The following FAM228A variants were observed in gnomAD, a reference collection of about 807,000 sequenced individuals.
The protein encoded by FAM228A is family with sequence similarity 228 member A, also known as protein FAM228A.
FAM228A carries 13 observed loss-of-function variants against 18.6 expected under a neutral mutation model. The ratio of observed to expected loss-of-function variants is 0.70; its 90% CI spans 0.45 to 1.11. FAM228A has a LOEUF of 1.11. Among genes scored for constraint, FAM228A ranks in the 50% least tolerant of loss-of-function variants. The pLI, the probability that FAM228A is intolerant of heterozygous loss-of-function variation, is 0.00. For missense variants in FAM228A, 240 were observed against 242.2 expected (o/e 0.99, Z 0.06); for synonymous variants, 77 against 86.6 (o/e 0.89, Z 0.61).
intron 5 of FAM228A, 148 bp from the exon 6 acceptor site, chr2:24,190,264 G>C (rs1347149895): frequency 1.0e-6 from 1 of 998,180 alleles, no homozygotes; most frequent in African/African-American, 1.6e-5. Flanking sequence ...AGGGCAGGCA[G>C]ATTGAGGGAC....
At chr2:24,183,414 A>G (rs1385272562) in intron 4 of FAM228A, 42 bp downstream of exon 4, 1 of 1,608,698 alleles carries the variant, frequency 6.2e-7, no homozygotes, top group East Asian at 2.2e-5. Context: ...GAGACTGCTA[A>G]TTGTCCAGTG....
At chr2:24,175,195 C>T (rs927979110) in intron 1 of FAM228A, 21 bp downstream of exon 1, 4 of 374,764 alleles carry the variant, frequency 1.1e-5, no homozygotes, top group East Asian at 6.4e-5. Flanking sequence ...GGGAGGCCTA[C>T]GGGCCTGGGG....
At chr2:24,184,777 G>C (rs936637877) in intron 5 of FAM228A, among the ~76,000 whole-genome samples, 4 of 150,380 alleles carry the variant, frequency 2.7e-5, no homozygotes, top group African/African-American at 9.8e-5. Flanking sequence ...TTTATAACTA[G>C]TGCTTTTTAT....
chr2:24,177,735 C>T (rs1667725327), intron 2 of FAM228A, 67 bp from the exon 3 acceptor site: 2 of 885,462 alleles, frequency 2.3e-6, no homozygotes, highest in Non-Finnish European at 3.6e-6. Flanking sequence ...GTAAAGTACA[C>T]TGAGTTTTGT....
rs1667868395 is a variant in FAM228A at position 24,183,583 on chromosome 2, T to C, written c.339T>C (p.Cys113=). 11 of 1,614,042 alleles carry C rather than the reference T, an allele frequency of 6.8e-6. No homozygotes were observed. Among genetic ancestry groups the C allele is most frequent in the Non-Finnish European group, 5.1e-6 (6 of 1,179,938 alleles). The part of the protein sequence containing the change: ...SSPYFTFTSH[C]VIPKEWHKAS... ...CCTACTTCACTTTCACTTCACACTG[T>C]GTGATTCCAAAAGAGTGGCATAAAG... The change falls in exon 5 of 6, where the codon TGT becomes TGC. Residue 113 remains cysteine (C), a synonymous_variant. Coordinates refer to ENST00000295150, the MANE Select transcript of FAM228A (RefSeq NM_001040710.3).
chr2:24,188,682 G>T (rs1668011912), intron 5 of FAM228A: 1 of 983,488 alleles, frequency 1.0e-6, no homozygotes, highest in Non-Finnish European at 1.2e-6. Flanking sequence ...TCCCACAGAG[G>T]AAGGTAAGAG....
At position 24,175,799 on chromosome 2, in the gene FAM228A, C is replaced by T. The variant is rs555411830; in HGVS notation, c.93+226C>T. The stretch of plus-strand genomic sequence containing the variant: ...GCACCGACGGGGGCGGGCAGCCGGG[C>T]GGGTGAAGGCAGCCACCCCAGCTCC... On this transcript the variant is annotated intron_variant, in intron 2 of 5. Transcript: ENST00000295150. 2.6e-4 allele frequency: 237 copies of T among 903,984 alleles called. 2 individuals carry two copies. The African/African-American group carries it at 3.7e-3, about 14-fold the overall frequency. 56.0% of individuals were successfully genotyped at this position (903,984 alleles called of 1,614,324 possible).
chr2:24,185,605 A>G (rs1667929209), intron 5 of FAM228A, among the ~76,000 whole-genome samples: 1 of 152,186 alleles, frequency 6.6e-6, no homozygotes, highest in African/African-American at 2.4e-5. Flanking sequence ...AACATGGTAT[A>G]TATCTCTCCA....
At chr2:24,179,275 A>G in intron 3 of FAM228A, 1 of 659,012 alleles carries the variant, frequency 1.5e-6, no homozygotes, top group Non-Finnish European at 2.0e-6. Context: ...GTTGAATATT[A>G]TTTACAGCAC....
At chr2:24,184,292 A>G (rs918219514) in intron 5 of FAM228A, among the ~76,000 whole-genome samples, 6 of 151,940 alleles carry the variant, frequency 3.9e-5, no homozygotes, top group Non-Finnish European at 7.4e-5. Context: ...AGGCAGGAGA[A>G]TCGCTTGAAC....
At position 24,191,114 on chromosome 2, in the gene FAM228A, G is replaced by T; in HGVS notation, c.*483G>T. 1 of 985,754 alleles carries T rather than the reference G, an allele frequency of 1.0e-6. No homozygotes were observed. The allele number at this position is 985,754 out of a possible 1,614,324, so 61.1% of individuals were successfully genotyped here. A position where few individuals can be genotyped will look rare whatever the true frequency, so the allele number is the denominator to read the frequency against. On this transcript the variant is annotated 3_prime_UTR_variant, in exon 6 of 6. Transcript: ENST00000295150. ...TATATGTAGGAATTTTCTGAGTATGGATTTCTTATCCAGAGCTCATGGTTC... is the reference window on the plus strand; with the variant it reads ...TATATGTAGGAATTTTCTGAGTATGTATTTCTTATCCAGAGCTCATGGTTC...
chr2:24,177,698 G>A, intron 2 of FAM228A, 104 bp from the exon 3 acceptor site: 1 of 640,008 alleles, frequency 1.6e-6, no homozygotes, highest in South Asian at 2.2e-5. Flanking sequence ...TACCAAATAA[G>A]CCTCAAGATT....
chr2:24,181,571 A>T (rs545438171), intron 3 of FAM228A, among the ~76,000 whole-genome samples: 3 of 152,110 alleles, frequency 2.0e-5, no homozygotes, highest in Non-Finnish European at 2.9e-5. Flanking sequence ...TTTTTAGTAG[A>T]GATGGGGTTT....
intron 3 of FAM228A, among the ~76,000 whole-genome samples, chr2:24,180,880 T>C (rs985575482): frequency 6.6e-6 from 1 of 152,112 alleles, no homozygotes; most frequent in East Asian, 1.9e-4. Context: ...GACACCACTT[T>C]ATAGGAAGAA....
chr2:24,176,144 A>G (rs1667686186), intron 2 of FAM228A: 2 of 984,826 alleles, frequency 2.0e-6, no homozygotes, highest in African/African-American at 1.7e-5. Context: ...TTCTTTAAAC[A>G]AAGATTATTT....
Position 24,190,808 on chromosome 2 carries a change from T to C in FAM228A, c.*177T>C. ...TGCATGAAGAAACTCAGACAAGTGG[T>C]AAATGTGGGACCTGGACCCCACTTT... On this transcript the variant is annotated 3_prime_UTR_variant, in exon 6 of 6. Transcript: ENST00000295150. 1 of 1,308,048 alleles carries C rather than the reference T, an allele frequency of 7.6e-7. No individual in the cohort carries two copies. Among genetic ancestry groups the C allele is most frequent in the Non-Finnish European group, 9.8e-7 (1 of 1,025,064 alleles). The allele number at this position is 1,308,048 out of a possible 1,614,324, so 81.0% of individuals were successfully genotyped here.
chr2:24,190,823 G>C lies in FAM228A; in HGVS notation c.*192G>C. 2 of 1,279,190 alleles carry C rather than the reference G, an allele frequency of 1.6e-6. No homozygotes were observed. The highest frequency in any genetic ancestry group is 2.0e-6 in the Non-Finnish European group (2 of 1,010,180). The allele number at this position is 1,279,190 out of a possible 1,614,324, so 79.2% of individuals were successfully genotyped here. On this transcript the variant is annotated 3_prime_UTR_variant, in exon 6 of 6. Transcript: ENST00000295150. ...AGACAAGTGGTAAATGTGGGACCTG[G>C]ACCCCACTTTCCGGAGACATCCTGT...
At chr2:24,187,689 G>A (rs1558405369) in intron 5 of FAM228A, among the ~76,000 whole-genome samples, 2 of 152,202 alleles carry the variant, frequency 1.3e-5, no homozygotes, top group East Asian at 3.9e-4. Flanking sequence ...ACAACATTTA[G>A]CCTTTTCGGA....
intron 5 of FAM228A, among the ~76,000 whole-genome samples, chr2:24,189,943 G>A (rs918426950): frequency 2.0e-5 from 3 of 152,062 alleles, no homozygotes; most frequent in East Asian, 3.9e-4. Context: ...CCAGGCGCTC[G>A]GGGGACTGAC....
Sources: allele counts gnomAD v4.1 joint callset (sites outside exome capture counted in the v4.1 genomes callset), GRCh38; gene constraint gnomAD v4.1.1; transcripts MANE v1.5; gene names NCBI Gene and HGNC (gene_info 2026-07-23, HGNC 2026-07-21).